AFG1L: variants seen among roughly 807,000 people sequenced by gnomAD.
The protein encoded by AFG1L is AFG1-like ATPase.
A neutral mutation model predicts 62.2 loss-of-function variants in AFG1L; 53 were observed. The ratio of observed to expected loss-of-function variants is 0.85; its 90% CI spans 0.68 to 1.07. The LOEUF (loss-of-function observed/expected upper bound fraction) is 1.07, where lower values mean the gene tolerates loss of function less well. Ranked by LOEUF, AFG1L falls within the 50% of genes least tolerant of loss-of-function variation. AFG1L has a pLI of 0.00. For missense variants in AFG1L, 555 were observed against 590.5 expected (o/e 0.94, Z 0.62); for synonymous variants, 228 against 210.3 (o/e 1.08, Z -0.73).
intron 6 of AFG1L, among the ~76,000 whole-genome samples, chr6:108,369,117 G>A (rs1281445561): frequency 1.3e-5 from 2 of 152,146 alleles, no homozygotes; most frequent in African/African-American, 4.8e-5. Context: ...GCGTGTGTGT[G>A]TGTATAATTT....
chr6:108,397,607 C>A (rs1246019386), intron 6 of AFG1L, among the ~76,000 whole-genome samples: 1 of 152,140 alleles, frequency 6.6e-6, no homozygotes, highest in East Asian at 1.9e-4. Flanking sequence ...CCCACCTTCC[C>A]CCATCCCCCA....
At chr6:108,307,744 A>G (rs1391077241) in intron 1 of AFG1L, among the ~76,000 whole-genome samples, 1 of 152,242 alleles carries the variant, frequency 6.6e-6, no homozygotes, top group African/African-American at 2.4e-5. Context: ...GTTCAGCTTT[A>G]GTAGACAAGG....
chr6:108,481,101 G>A (rs1400003092), intron 10 of AFG1L, among the ~76,000 whole-genome samples: 1 of 152,178 alleles, frequency 6.6e-6, no homozygotes. Context: ...TCATCCCTTT[G>A]CCCATTAATA....
chr6:108,514,183 C>G (rs1470318092), intron 11 of AFG1L, among the ~76,000 whole-genome samples: 1 of 152,100 alleles, frequency 6.6e-6, no homozygotes, highest in Non-Finnish European at 1.5e-5. Context: ...CAGAAAAACT[C>G]AAAATTCTAA....
chr6:108,477,179 C>A lies in AFG1L; in HGVS notation c.962-13C>A. The stretch of plus-strand genomic sequence containing the variant: ...ATCCAGACAAGATTGAGTCTTTGTT[C>A]ATGTTCCCATAGTAACTAGACCAAG... On this transcript the variant is annotated splice_polypyrimidine_tract_variant and intron_variant, in intron 9 of 12. Transcript: ENST00000368977. 1.3e-6 allele frequency: 2 copies of A among 1,527,510 alleles called. No individual in the cohort carries two copies. The highest frequency in any genetic ancestry group is 1.7e-4 in the Middle Eastern group (1 of 5,780). The allele number at this position is 1,527,510 out of a possible 1,614,324, so 94.6% of individuals were successfully genotyped here. A position where few individuals can be genotyped will look rare whatever the true frequency, so the allele number is the denominator to read the frequency against.
intron 1 of AFG1L, among the ~76,000 whole-genome samples, chr6:108,298,212 G>C (rs938766197): frequency 1.3e-5 from 2 of 150,108 alleles, no homozygotes; most frequent in Non-Finnish European, 3.0e-5. Flanking sequence ...TGTTTGAAGT[G>C]TTATAAGACT....
chr6:108,369,947 G>GATCTATCTATCTATCTATCTAT (rs1554189699), intron 6 of AFG1L, among the ~76,000 whole-genome samples: 47 of 130,246 alleles, frequency 3.6e-4, no homozygotes, highest in Middle Eastern at 3.7e-3. Context: ...TGGCTGGCTG[G>GATCTATCTATCTATCTATCTAT]CTATCTATCT....
chr6:108,428,612 A>C (rs1167794153), intron 7 of AFG1L, among the ~76,000 whole-genome samples: 5 of 152,090 alleles, frequency 3.3e-5, no homozygotes, highest in African/African-American at 1.2e-4. Flanking sequence ...ACTGACATCT[A>C]TTGTTTTTTG....
intron 8 of AFG1L, among the ~76,000 whole-genome samples, chr6:108,464,244 C>T (rs1041435966): frequency 6.6e-6 from 1 of 152,038 alleles, no homozygotes; most frequent in Non-Finnish European, 1.5e-5. Context: ...CATGCGTGAC[C>T]CTCTTCCAGA....
At chr6:108,520,865 C>T (rs2076082340) in intron 12 of AFG1L, 1 of 152,390 alleles carries the variant, frequency 6.6e-6, no homozygotes, top group Non-Finnish European at 1.5e-5. Flanking sequence ...GTTCCTAAGC[C>T]TCTGTCTTTT....
intron 7 of AFG1L, among the ~76,000 whole-genome samples, chr6:108,425,152 ATGGCACTCT>A (rs1770756680): frequency 6.6e-6 from 1 of 152,162 alleles, no homozygotes; most frequent in Non-Finnish European, 1.5e-5. Flanking sequence ...TGGGAAAGGG[ATGGCACTCT>A]AGGTTGTAAC....
At chr6:108,479,098 C>T (rs1433344936) in intron 10 of AFG1L, among the ~76,000 whole-genome samples, 1 of 152,136 alleles carries the variant, frequency 6.6e-6, no homozygotes, top group Non-Finnish European at 1.5e-5. Context: ...CTCAGGCAAT[C>T]CTCCCACCTC....
At chr6:108,335,870 T>C (rs1389054627) in intron 2 of AFG1L, among the ~76,000 whole-genome samples, 2 of 152,240 alleles carry the variant, frequency 1.3e-5, no homozygotes, top group African/African-American at 4.8e-5. Flanking sequence ...GTCATTTGCA[T>C]CTTTAAATTG....
chr6:108,476,765 C>A (rs2114814613), intron 8 of AFG1L, 100 bp from the exon 9 acceptor site: 2 of 745,956 alleles, frequency 2.7e-6, no homozygotes. Context: ...ACATCCTGTT[C>A]TTTTTTTTTA....
At chr6:108,326,700 C>G (rs541104049) in intron 2 of AFG1L, among the ~76,000 whole-genome samples, 1 of 152,326 alleles carries the variant, frequency 6.6e-6, no homozygotes, top group East Asian at 1.9e-4. Flanking sequence ...TGGCTCACGC[C>G]TGTAATCCCA....
intron 5 of AFG1L, among the ~76,000 whole-genome samples, chr6:108,357,920 C>T (rs1460859670): frequency 6.6e-6 from 1 of 152,174 alleles, no homozygotes; most frequent in Non-Finnish European, 1.5e-5. Flanking sequence ...AGAATTTTCA[C>T]CAGCAATGCT....
intron 8 of AFG1L, among the ~76,000 whole-genome samples, chr6:108,451,438 T>G (rs1772050214): frequency 6.6e-6 from 1 of 152,214 alleles, no homozygotes; most frequent in East Asian, 1.9e-4. Context: ...CTAATTCACA[T>G]AAGACATTGC....
chr6:108,311,151 C>T (rs900422817), intron 1 of AFG1L, among the ~76,000 whole-genome samples: 3 of 152,306 alleles, frequency 2.0e-5, no homozygotes, highest in Middle Eastern at 3.4e-3. Flanking sequence ...CCTTGTACTC[C>T]TCCAGTAGTT....
intron 10 of AFG1L, among the ~76,000 whole-genome samples, chr6:108,508,759 G>A (rs1433453892): frequency 3.3e-5 from 5 of 152,152 alleles, no homozygotes; most frequent in African/African-American, 4.8e-5. Flanking sequence ...TAAGTGAATG[G>A]ACAAAGGTGA....
Sources: gnomAD v4.1 joint callset for allele counts (sites outside exome capture counted in the v4.1 genomes callset) on GRCh38, gnomAD v4.1.1 for gene constraint, MANE v1.5 for transcripts, NCBI Gene and HGNC (gene_info 2026-07-23, HGNC 2026-07-21) for gene names.